Variants in ZNF699 observed in about 807,000 individuals in gnomAD.
The protein encoded by ZNF699 is hangover homolog.
A neutral mutation model predicts 22.5 loss-of-function variants in ZNF699; 18 were observed. The ratio of observed to expected loss-of-function variants is 0.80; its 90% confidence interval spans 0.55 to 1.19. The LOEUF (loss-of-function observed/expected upper bound fraction) is 1.19. ZNF699 is among the 50% of genes most tolerant of loss of function. The pLI is 0.00. For missense variants in ZNF699, 670 were observed against 763.4 expected, an observed-to-expected ratio of 0.88 and a Z score of 1.44; for synonymous variants, 241 against 262.3, an observed-to-expected ratio of 0.92 and a Z score of 0.78.
rs2066290554 is a variant in ZNF699, at chr19:9,297,303, G to A, written c.463C>T (p.His155Tyr). ...IDYQNKSHER[H>Y]LRNHMVENIY... ...CTCACGAATGGCACTCACCTCAAAT[G>A]TCTCTCATGGCTTTTGTTCTGATAA... Residue 155 changes from histidine (H) to tyrosine (Y), a missense_variant, in exon 5 of 6, where the codon CAT becomes TAT. Physicochemically the swap from His to Tyr is moderately conservative, Grantham distance 83. Coordinates refer to ENST00000591998, the MANE Select transcript of ZNF699 (RefSeq NM_198535.3). The surrounding 1 kb of genome is among the most constrained non-coding windows in gnomAD (Gnocchi z 4.3). 6.3e-7 allele frequency: 1 copy of A among 1,587,898 alleles called. No individual in the cohort carries two copies. Among genetic ancestry groups the A allele is most frequent in the Non-Finnish European group, 8.5e-7 (1 of 1,174,788 alleles).
intron 3 of ZNF699, among the ~76,000 whole-genome samples, chr19:9,300,111 C>T (rs2066301770): frequency 6.6e-6 from 1 of 152,166 alleles, no homozygotes; most frequent in Non-Finnish European, 1.5e-5. Flanking sequence ...CTGGAATGCT[C>T]GCTCTGTCGC....
rs2066289563 is a variant in ZNF699 at position 9,297,011 on chromosome 19, G to A, written c.471-78C>T. The stretch of plus-strand genomic sequence containing the variant: ...GAATGTATATGTTTTCTGCCCTTCT[G>A]TCAAGTTTAAGCTGAAAGTTTTCAC... On this transcript the variant is annotated intron_variant, in intron 5 of 5. Coordinates refer to ENST00000591998, the MANE Select transcript of ZNF699 (RefSeq NM_198535.3). This position sits in a 1 kb window ranked among gnomAD's most constrained non-coding sequence, Gnocchi z 4.3. The A allele has an allele frequency of 1.6e-6, 2 of 1,281,510 alleles. No individual in the cohort carries two copies. Among genetic ancestry groups the A allele is most frequent in the Non-Finnish European group, 1.0e-6 (1 of 954,628 alleles). The allele number at this position is 1,281,510 out of a possible 1,614,324, so 79.4% of individuals were successfully genotyped here.
rs752631945 is a variant in ZNF699 at position 9,295,517 on chromosome 19, G to A, written c.1887C>T (p.Tyr629=). The A allele has an allele frequency of 1.2e-6, 2 of 1,613,026 alleles. No homozygotes were observed. The highest frequency in any genetic ancestry group is 1.7e-6 in the Non-Finnish European group (2 of 1,179,474). The change falls in exon 6 of 6, where the codon TAC becomes TAT. Residue 629 remains tyrosine, a synonymous_variant. Coordinates refer to ENST00000591998, the MANE Select transcript of ZNF699 (RefSeq NM_198535.3). Reference sequence around the variant, plus strand: ...TGTGAGTTTTCACATGCCTTCGAAAGTAGGCAGGACAAACAAAGGCTTTCC... The same window carrying A: ...TGTGAGTTTTCACATGCCTTCGAAAATAGGCAGGACAAACAAAGGCTTTCC... ...ECGKAFVCPA[Y]FRRHVKTHTR...
intron 3 of ZNF699, among the ~76,000 whole-genome samples, chr19:9,300,514 G>A (rs979539954): frequency 6.6e-6 from 1 of 152,202 alleles, no homozygotes; most frequent in Non-Finnish European, 1.5e-5. Context: ...AGCTTTATTT[G>A]TAACTGCCAA....
At position 9,293,124 on chromosome 19, in the gene ZNF699, G is replaced by A. The variant is rs1568343838; in HGVS notation, c.*2351C>T. Among the ~76,000 whole-genome samples the A allele has an allele frequency of 7.8e-6, 1 of 128,550 alleles. No homozygotes were observed. Among genetic ancestry groups the A allele is most frequent in the Admixed American group, 8.5e-5 (1 of 11,776 alleles). 84.3% of individuals were successfully genotyped at this position (128,550 alleles called of 152,430 possible). A position where few individuals can be genotyped will look rare whatever the true frequency, so the allele number is the denominator to read the frequency against. On this transcript the variant is annotated 3_prime_UTR_variant, in exon 6 of 6. Coordinates refer to ENST00000591998, the MANE Select transcript of ZNF699 (RefSeq NM_198535.3). Reference sequence around the variant, plus strand: ...CACTCCAACCTGGGCACAAGAGTCCGTCTCAAAAAAAAAAAAAAAGAAAAG... The same window carrying A: ...CACTCCAACCTGGGCACAAGAGTCCATCTCAAAAAAAAAAAAAAAGAAAAG...
rs114272451 is a variant in ZNF699, at chr19:9,292,680, G to A, written c.*2795C>T. ...AGACAGAGATTGGGAAATGTTATCT[G>A]TAATGTATGTATATATAATATACAT... On this transcript the variant is annotated 3_prime_UTR_variant, in exon 6 of 6. Coordinates refer to ENST00000591998, the MANE Select transcript of ZNF699 (RefSeq NM_198535.3). 3.5e-3 allele frequency among the ~76,000 whole-genome samples: 536 copies of A among 152,032 alleles called. 6 individuals carry two copies. The highest frequency in any genetic ancestry group is 0.012 in the African/African-American group (507 of 41,454).
rs1439125934 is a variant in ZNF699, at chr19:9,291,993, T to C, written c.*3482A>G. Among the ~76,000 whole-genome samples, 1 of 152,092 alleles carries C rather than the reference T, an allele frequency of 6.6e-6. No individual in the cohort carries two copies. Among genetic ancestry groups the C allele is most frequent in the Non-Finnish European group, 1.5e-5 (1 of 68,000 alleles). Reference sequence around the variant, plus strand: ...CTGGGATTATAGGCATGAGCCACTGTGCCTGGCCAAGCAGCAATCTTTAGC... The same window carrying C: ...CTGGGATTATAGGCATGAGCCACTGCGCCTGGCCAAGCAGCAATCTTTAGC... On this transcript the variant is annotated 3_prime_UTR_variant, in exon 6 of 6. Transcript: ENST00000591998.
chr19:9,308,226 T>G (rs1426472192), intron 1 of ZNF699, among the ~76,000 whole-genome samples: 1 of 152,128 alleles, frequency 6.6e-6, no homozygotes, highest in Non-Finnish European at 1.5e-5. Context: ...GCGATCCATC[T>G]GCCTTAGCTT....
chr19:9,298,775 A>G (rs551996324), intron 3 of ZNF699, among the ~76,000 whole-genome samples: 3 of 152,322 alleles, frequency 2.0e-5, no homozygotes, highest in Non-Finnish European at 4.4e-5. Context: ...TCAGCAACCA[A>G]TCTAAAATGA....
intron 2 of ZNF699, 132 bp downstream of exon 2, chr19:9,304,940 A>AC: frequency 1.7e-6 from 1 of 605,412 alleles, no homozygotes; most frequent in Non-Finnish European, 2.7e-6. Flanking sequence ...AAAAAAAAAA[A>AC]CTATAGCCTT....
Position 9,297,293 on chromosome 19 carries a change from C to A in ZNF699, c.470+3G>T. The A allele has an allele frequency of 6.3e-7, 1 of 1,577,858 alleles. No homozygotes were observed. The highest frequency in any genetic ancestry group is 1.2e-5 in the South Asian group (1 of 82,686). ...CTTTCTCTTTCTCACGAATGGCACT[C>A]ACCTCAAATGTCTCTCATGGCTTTT... On this transcript the variant is annotated splice_donor_region_variant and intron_variant, in intron 5 of 5. Transcript: ENST00000591998. The surrounding 1 kb of genome is among the most constrained non-coding windows in gnomAD (Gnocchi z 4.3).
chr19:9,305,211 T>G, intron 1 of ZNF699, 87 bp from the exon 2 acceptor site: 1 of 1,027,410 alleles, frequency 9.7e-7, no homozygotes, highest in South Asian at 1.3e-5. Flanking sequence ...CCCACACTCA[T>G]GAGCCTGGAT....
intron 2 of ZNF699, among the ~76,000 whole-genome samples, chr19:9,303,787 G>C (rs907244054): frequency 6.6e-6 from 1 of 151,678 alleles, no homozygotes; most frequent in Non-Finnish European, 1.5e-5. Flanking sequence ...TAGGAACTCT[G>C]TCCTAGGAAA....
rs775653454 is a variant in ZNF699, at chr19:9,297,971, G to C, written c.195C>G (p.Pro65=). ...CTTGTTCCCACTGGGAGATCAGATG[G>C]GGTGTGTGTAGCGGATACCCTGCAC... ...LASLGYPLHT[P]HLISQWEQEE... is the part of the protein sequence containing the mutation. The change falls in exon 4 of 6, where the codon CCC becomes CCG. Residue 65 remains proline (P), a synonymous_variant. Transcript: ENST00000591998. This position sits in a 1 kb window ranked among gnomAD's most constrained non-coding sequence, Gnocchi z 4.3. 6.2e-7 allele frequency: 1 copy of C among 1,613,114 alleles called. No homozygotes were observed. Among genetic ancestry groups the C allele is most frequent in the Non-Finnish European group, 8.5e-7 (1 of 1,179,626 alleles).
chr19:9,304,305 A>G (rs1014656041), intron 2 of ZNF699, among the ~76,000 whole-genome samples: 5 of 152,110 alleles, frequency 3.3e-5, no homozygotes, highest in Admixed American at 3.3e-4. Flanking sequence ...CACCATAGCA[A>G]TCACTACAAC....
At position 9,296,068 on chromosome 19, in the gene ZNF699, G is replaced by A. The variant is rs1308093282; in HGVS notation, c.1336C>T (p.Pro446Ser). 1 of 1,613,846 alleles carries A rather than the reference G, an allele frequency of 6.2e-7. No homozygotes were observed. Among genetic ancestry groups the A allele is most frequent in the Non-Finnish European group, 8.5e-7 (1 of 1,180,002 alleles). Residue 446 changes from proline to serine, a missense_variant, in exon 6 of 6, where the codon CCC (proline) becomes TCC (serine). By Grantham distance (74) the Pro-to-Ser change is moderately conservative. Coordinates refer to ENST00000591998, the MANE Select transcript of ZNF699 (RefSeq NM_198535.3). ...TTCCCACATTCCTTACATTCATAGG[G>A]TTTCTCTCGACTTTGATTTTTCACA... The part of the protein sequence containing the change: ...THVKNQSREK[P>S]YECKECGKAF...
chr19:9,303,731 A>G (rs1367830863), intron 2 of ZNF699, among the ~76,000 whole-genome samples: 1 of 152,100 alleles, frequency 6.6e-6, no homozygotes, highest in South Asian at 2.1e-4. Context: ...CCATCTCATG[A>G]GCACACAAAA....
chr19:9,296,134 A>G lies in ZNF699; in HGVS notation c.1270T>C (p.Cys424Arg), dbSNP rs777777615. Reference sequence around the variant, plus strand: ...GTGGGAAGGTAGAAGGCCTTTCCACATTCCAGACATTCATACGGTTTTTCT... The same window carrying G: ...GTGGGAAGGTAGAAGGCCTTTCCACGTTCCAGACATTCATACGGTTTTTCT... Reference protein sequence around the residue: ...TGEKPYECLECGKAFYLPTSL... With the variant: ...TGEKPYECLERGKAFYLPTSL... Residue 424 changes from cysteine to arginine, a missense_variant, in exon 6 of 6, where the codon TGT becomes CGT. Coordinates refer to ENST00000591998, the MANE Select transcript of ZNF699 (RefSeq NM_198535.3). The G allele has an allele frequency of 1.4e-5, 22 of 1,613,762 alleles. No homozygotes were observed. Among genetic ancestry groups the G allele is most frequent in the Non-Finnish European group, 1.5e-5 (18 of 1,180,016 alleles).
At position 9,297,848 on chromosome 19, in the gene ZNF699, C is replaced by T. The variant is rs759807693; in HGVS notation, c.286+32G>A. 6.5e-6 allele frequency: 10 copies of T among 1,537,206 alleles called. No individual in the cohort carries two copies. The highest frequency in any genetic ancestry group is 7.2e-6 in the Non-Finnish European group (8 of 1,118,028). On this transcript the variant is annotated intron_variant, in intron 4 of 5. Transcript: ENST00000591998. The surrounding 1 kb of genome is among the most constrained non-coding windows in gnomAD (Gnocchi z 4.3). ...TTTACTTTAAGTTTATTTTTTCCCC[C>T]AACCAAAACAGTTTCTCCCAAGGGT...
Sources: allele counts gnomAD v4.1 joint callset (sites outside exome capture counted in the v4.1 genomes callset), GRCh38; gene constraint gnomAD v4.1.1; non-coding constraint Gnocchi (gnomAD v3.1); transcripts MANE v1.5; gene names NCBI Gene and HGNC (gene_info 2026-07-23, HGNC 2026-07-21).